Variants in MED26 observed in about 807,000 individuals in gnomAD.
MED26 encodes the protein mediator of RNA polymerase II transcription subunit 26.
A neutral mutation model predicts 43.7 loss-of-function variants in MED26; 7 were observed. The observed-to-expected ratio is 0.16, with a 90% CI of 0.09 to 0.30. The LOEUF is 0.30. Ranked by LOEUF, MED26 falls within the 10% of genes least tolerant of loss-of-function variation. The pLI, the probability that MED26 is intolerant of heterozygous loss-of-function variation, is 1.00. For synonymous variants in MED26, 375 were observed against 371.1 expected, an observed-to-expected ratio of 1.01 and a Z score of -0.12; for missense variants, 784 against 840.6, an observed-to-expected ratio of 0.93 and a Z score of 0.83.
At position 16,589,299 on chromosome 19, in the gene MED26, G is replaced by A. The variant is rs952735322; in HGVS notation, c.73-10890C>T. ...CCACCATTTAAGGATGGACACTCAC[G>A]CTATGATCCAGCAATTCCACTCCAA... On this transcript the variant is annotated intron_variant, in intron 1 of 2. Transcript: ENST00000263390. 3.9e-5 allele frequency: 6 copies of A among 152,256 alleles called. No homozygotes were observed. In the East Asian group the frequency reaches 5.8e-4, roughly 15 times the overall value. 9.4% of individuals were successfully genotyped at this position (152,256 alleles called of 1,614,324 possible).
intron 1 of MED26, among the ~76,000 whole-genome samples, chr19:16,619,945 G>A (rs1471761239): frequency 1.3e-5 from 2 of 152,202 alleles, no homozygotes; most frequent in Admixed American, 6.5e-5. Context: ...AAAAAAGGCC[G>A]AAGGATCGCT....
chr19:16,615,146 A>G (rs946922055), intron 1 of MED26, among the ~76,000 whole-genome samples: 6 of 152,158 alleles, frequency 3.9e-5, no homozygotes, highest in Non-Finnish European at 7.3e-5. Flanking sequence ...GAAAGATCAG[A>G]CCAGGATGCC....
Position 16,575,920 on chromosome 19 carries a change from C to G in MED26, c.*107G>C, listed in dbSNP as rs1295190809. On this transcript the variant is annotated 3_prime_UTR_variant, in exon 3 of 3. Transcript: ENST00000263390. ...TCCCTCCCGCCTGGGCCGGACTCCC[C>G]GAGTTCCCAGCGCAGGAGGCAGCTG... The G allele has an allele frequency of 9.6e-7, 1 of 1,038,808 alleles. No individual in the cohort carries two copies. Among genetic ancestry groups the G allele is most frequent in the Non-Finnish European group, 1.4e-6 (1 of 711,860 alleles). The allele number at this position is 1,038,808 out of a possible 1,614,324, so 64.3% of individuals were successfully genotyped here. A position where few individuals can be genotyped will look rare whatever the true frequency, so the allele number is the denominator to read the frequency against.
chr19:16,578,480 G>A, intron 1 of MED26, 71 bp from the exon 2 acceptor site: 6 of 1,427,652 alleles, frequency 4.2e-6, no homozygotes, highest in Non-Finnish European at 5.9e-6. Context: ...CCCTGCCCCA[G>A]CCTGCTCCAG....
Position 16,627,884 on chromosome 19 carries a change from G to A in MED26, c.60C>T (p.Asp20=), listed in dbSNP as rs1408722555. ...GGCGGGTACTTACGTTGCTCTGGGG[G>A]TCGATGGCCTGCAGCAGCCGGTCCC... ...QIRDRLLQAI[D]PQSNIRNMVA... Residue 20 remains aspartate (D), a synonymous_variant, in exon 1 of 3, where the codon GAC becomes GAT. Transcript: ENST00000263390. 2.0e-6 allele frequency: 3 copies of A among 1,498,862 alleles called. No homozygotes were observed. The highest frequency in any genetic ancestry group is 5.7e-5 in the East Asian group (2 of 35,182). 92.8% of individuals were successfully genotyped at this position (1,498,862 alleles called of 1,614,324 possible).
intron 1 of MED26, among the ~76,000 whole-genome samples, chr19:16,608,902 C>T (rs924389263): frequency 1.3e-5 from 2 of 152,132 alleles, no homozygotes; most frequent in East Asian, 1.9e-4. Flanking sequence ...ACTTAAAAAG[C>T]GTGTCATGCC....
chr19:16,604,508 G>A (rs2086163667), intron 1 of MED26, among the ~76,000 whole-genome samples: 1 of 152,228 alleles, frequency 6.6e-6, no homozygotes, highest in African/African-American at 2.4e-5. Context: ...GGAACGCCCA[G>A]GAGTGCAGGG....
chr19:16,579,288 C>T (rs1289857300), intron 1 of MED26, among the ~76,000 whole-genome samples: 1 of 152,170 alleles, frequency 6.6e-6, no homozygotes, highest in Non-Finnish European at 1.5e-5. Context: ...GGCCACAAGA[C>T]AGGAACAGGC....
chr19:16,623,455 A>G (rs977144874), intron 1 of MED26, among the ~76,000 whole-genome samples: 1 of 152,214 alleles, frequency 6.6e-6, no homozygotes, highest in Non-Finnish European at 1.5e-5. Context: ...ATTTTAAGTT[A>G]ATATCAAAAG....
chr19:16,595,874 T>G (rs1183919403), intron 1 of MED26, among the ~76,000 whole-genome samples: 1 of 152,260 alleles, frequency 6.6e-6, no homozygotes, highest in East Asian at 1.9e-4. Context: ...GTTCTCCTGC[T>G]GCAACCAGTA....
At chr19:16,611,589 T>A (rs2086199604) in intron 1 of MED26, 1 of 151,958 alleles carries the variant, frequency 6.6e-6, no homozygotes, top group Non-Finnish European at 1.5e-5. Flanking sequence ...ACCAACCCAT[T>A]CCCCCTGCCC....
At chr19:16,603,872 A>G (rs1733911407) in intron 1 of MED26, among the ~76,000 whole-genome samples, 3 of 152,168 alleles carry the variant, frequency 2.0e-5, no homozygotes, top group Non-Finnish European at 2.9e-5. Context: ...CTCTGGGCAG[A>G]GCCATGGAAG....
chr19:16,609,676 T>C (rs556007769), intron 1 of MED26, among the ~76,000 whole-genome samples: 9 of 152,034 alleles, frequency 5.9e-5, no homozygotes, highest in Non-Finnish European at 8.8e-5. Context: ...GTGCTTGAAA[T>C]AGAGTCTGAA....
intron 1 of MED26, among the ~76,000 whole-genome samples, chr19:16,626,595 A>C (rs957747094): frequency 1.3e-5 from 2 of 152,342 alleles, no homozygotes; most frequent in East Asian, 3.9e-4. Context: ...CAAAAATTGT[A>C]TAAGCCAATG....
In MED26 at chr19:16,575,930, G is replaced by C; in HGVS notation, c.*97C>G. 3 of 1,081,064 alleles carry C rather than the reference G, an allele frequency of 2.8e-6. No individual in the cohort carries two copies. Among genetic ancestry groups the C allele is most frequent in the Non-Finnish European group, 4.0e-6 (3 of 754,900 alleles). 67.0% of individuals were successfully genotyped at this position (1,081,064 alleles called of 1,614,324 possible). A position where few individuals can be genotyped will look rare whatever the true frequency, so the allele number is the denominator to read the frequency against. On this transcript the variant is annotated 3_prime_UTR_variant, in exon 3 of 3. Transcript: ENST00000263390. ...CTGGGCCGGACTCCCCGAGTTCCCA[G>C]CGCAGGAGGCAGCTGGGCCCCGGCC...
intron 1 of MED26, among the ~76,000 whole-genome samples, chr19:16,608,489 G>C (rs1265214290): frequency 6.6e-6 from 1 of 152,244 alleles, no homozygotes; most frequent in Non-Finnish European, 1.5e-5. Context: ...CAGCCATGGT[G>C]AGAGTATTTC....
At position 16,628,195 on chromosome 19, in the gene MED26, A is replaced by G; in HGVS notation, c.-252T>C. On this transcript the variant is annotated 5_prime_UTR_variant, in exon 1 of 3. Transcript: ENST00000263390. ...GCTCGCTGCCGCCGCCTCGAGAACC[A>G]AACTCCAGTGAGCTGCCCCCGCGCG... The G allele has an allele frequency of 2.9e-6, 1 of 347,844 alleles. No individual in the cohort carries two copies. The highest frequency in any genetic ancestry group is 4.8e-5 in the Admixed American group (1 of 20,738). 21.5% of individuals were successfully genotyped at this position (347,844 alleles called of 1,614,324 possible).
chr19:16,625,241 G>A (rs1356953773), intron 1 of MED26, among the ~76,000 whole-genome samples: 1 of 152,210 alleles, frequency 6.6e-6, no homozygotes, highest in African/African-American at 2.4e-5. Context: ...TTAACTCTGA[G>A]CCTGCTGCTA....
chr19:16,603,095 C>T lies in MED26; in HGVS notation c.73-24686G>A, dbSNP rs577024796. ...AAGAGGTCCTCCTGCCAGGACCACT[C>T]TCCCTCAGGCATCTTTTAGGTGGCT... On this transcript the variant is annotated intron_variant, in intron 1 of 2. Coordinates refer to ENST00000263390, the MANE Select transcript of MED26 (RefSeq NM_004831.5). 3.3e-5 allele frequency among the ~76,000 whole-genome samples: 5 copies of T among 152,374 alleles called. 1 individual carries two copies. In the South Asian group the frequency reaches 1.0e-3, roughly 32 times the overall value.
Sources: gnomAD v4.1 joint callset for allele counts (sites outside exome capture counted in the v4.1 genomes callset) on GRCh38, gnomAD v4.1.1 for gene constraint, MANE v1.5 for transcripts, NCBI Gene and HGNC (gene_info 2026-07-23, HGNC 2026-07-21) for gene names.